The following PATJ variants were observed in gnomAD, a reference collection of about 807,000 sequenced individuals.
PATJ encodes PATJ crumbs cell polarity complex component.
In PATJ, 190 loss-of-function variants were observed where a neutral mutation model predicts 224.9. That is an observed-to-expected ratio of 0.84 (90% CI 0.75 to 0.95). The LOEUF (loss-of-function observed/expected upper bound fraction) is 0.95, where lower values mean the gene tolerates loss of function less well. PATJ is among the 40% of genes least tolerant of loss of function. The pLI is 0.00. For missense variants in PATJ, 2,121 were observed against 2,270.3 expected (o/e 0.93, Z 1.34); for synonymous variants, 769 against 820.3 (o/e 0.94, Z 1.07).
intron 43 of PATJ, 26 bp from the exon 44 acceptor site, chr1:62,160,882 T>G: frequency 6.2e-7 from 1 of 1,612,638 alleles, no homozygotes; most frequent in Non-Finnish European, 8.5e-7. Flanking sequence ...TACCCTGGAT[T>G]AAACTGAAAT....
intron 1 of PATJ, among the ~76,000 whole-genome samples, chr1:61,752,119 C>T (rs1328408892): frequency 8.1e-6 from 1 of 122,992 alleles, no homozygotes; most frequent in African/African-American, 3.2e-5. Context: ...GCCTGCGCAA[C>T]AGGAGCAAAA....
In PATJ at chr1:62,018,474, A is replaced by G. The variant is rs989576782; in HGVS notation, c.3959+527A>G. ...CTCCCTGCAAGCTGATTGAGCCCTC[A>G]TGGTACAAGTAAATCAGAATTAGGA... On this transcript the variant is annotated intron_variant, in intron 29 of 43. Coordinates refer to ENST00000642238, the MANE Select transcript of PATJ (RefSeq NM_001350145.3). The surrounding 1 kb of genome is among the most constrained non-coding windows in gnomAD (Gnocchi z 4.2). 6.6e-6 allele frequency among the ~76,000 whole-genome samples: 1 copy of G among 152,214 alleles called. No homozygotes were observed. The highest frequency in any genetic ancestry group is 1.5e-5 in the Non-Finnish European group (1 of 68,046).
chr1:61,841,070 T>G (rs1010851948), intron 17 of PATJ, among the ~76,000 whole-genome samples: 1 of 152,146 alleles, frequency 6.6e-6, no homozygotes, highest in African/African-American at 2.4e-5. Context: ...GGTAATTAAT[T>G]TATTGGCCTT....
At chr1:61,763,346 G>C (rs1456800997) in intron 3 of PATJ, among the ~76,000 whole-genome samples, 167 bp downstream of exon 3, 1 of 152,100 alleles carries the variant, frequency 6.6e-6, no homozygotes, top group Non-Finnish European at 1.5e-5. Flanking sequence ...CATTGGCATA[G>C]ATAATTTAGA....
At chr1:61,835,333 T>A (rs779156422) in intron 17 of PATJ, among the ~76,000 whole-genome samples, 37 of 152,196 alleles carry the variant, frequency 2.4e-4, no homozygotes, top group Admixed American at 6.5e-5. Context: ...AGGTGGTTAA[T>A]AAATATTTGC....
chr1:61,924,213 C>T (rs1674776412), intron 26 of PATJ, among the ~76,000 whole-genome samples: 1 of 151,662 alleles, frequency 6.6e-6, no homozygotes, highest in African/African-American at 2.4e-5. Flanking sequence ...TCCAAAAATA[C>T]AAAAATTAGC....
At chr1:61,998,494 T>G (rs1645553345) in intron 28 of PATJ, among the ~76,000 whole-genome samples, 1 of 152,206 alleles carries the variant, frequency 6.6e-6, no homozygotes, top group Non-Finnish European at 1.5e-5. Flanking sequence ...CCCAAAGGGC[T>G]GGAATTACAG....
chr1:62,052,811 G>A (rs1166905126), intron 31 of PATJ, among the ~76,000 whole-genome samples: 1 of 151,944 alleles, frequency 6.6e-6, no homozygotes, highest in African/African-American at 2.4e-5. Flanking sequence ...AAAAGGTAGA[G>A]TGCATTTTTG....
intron 1 of PATJ, among the ~76,000 whole-genome samples, chr1:61,761,825 A>G (rs1350033142): frequency 6.6e-6 from 1 of 151,950 alleles, no homozygotes; most frequent in Middle Eastern, 3.4e-3. Context: ...AGCTGGGACT[A>G]TGGGTATGTG....
chr1:62,109,604 T>C (rs1449802852), intron 34 of PATJ, among the ~76,000 whole-genome samples: 1 of 152,196 alleles, frequency 6.6e-6, no homozygotes, highest in Non-Finnish European at 1.5e-5. Context: ...TACAACATGG[T>C]TTTTTAGCAG....
Position 61,813,378 on chromosome 1 carries a change from T to TATATAC in PATJ, c.1683+4849_1683+4850insTATACA, listed in dbSNP as rs1376176032. The stretch of plus-strand genomic sequence containing the variant: ...ATATATATATATATATATATATATA[T>TATATAC]ACACACACACACACACACACATACA... On this transcript the variant is annotated intron_variant, in intron 14 of 43. Coordinates refer to ENST00000642238, the MANE Select transcript of PATJ (RefSeq NM_001350145.3). Among the ~76,000 whole-genome samples the TATATAC allele has an allele frequency of 2.6e-4, 12 of 46,358 alleles. No homozygotes were observed. The East Asian group carries it at 2.6e-3, about 10-fold the overall frequency. 30.4% of individuals were successfully genotyped at this position (46,358 alleles called of 152,430 possible).
At chr1:61,810,744 A>C (rs916491221) in intron 14 of PATJ, among the ~76,000 whole-genome samples, 4 of 141,040 alleles carry the variant, frequency 2.8e-5, no homozygotes, top group South Asian at 2.2e-4. Flanking sequence ...ATAAATAAAT[A>C]AACCCAGTCT....
At chr1:62,046,742 G>C (rs1449319817) in intron 30 of PATJ, among the ~76,000 whole-genome samples, 1 of 152,226 alleles carries the variant, frequency 6.6e-6, no homozygotes, top group Non-Finnish European at 1.5e-5. Flanking sequence ...TGTCCCCCAG[G>C]TAAGGAGAAG....
At chr1:61,869,874 C>T (rs1666058849) in intron 20 of PATJ, among the ~76,000 whole-genome samples, 1 of 152,226 alleles carries the variant, frequency 6.6e-6, no homozygotes, top group Non-Finnish European at 1.5e-5. Context: ...CCTGGGCAAG[C>T]GCTTTTGGGT....
In PATJ at chr1:61,787,523, T is replaced by G. The variant is rs532021504; in HGVS notation, c.850-231T>G. Among the ~76,000 whole-genome samples, 7 of 152,308 alleles carry G rather than the reference T, an allele frequency of 4.6e-5. No homozygotes were observed. The South Asian group carries it at 1.2e-3, about 27-fold the overall frequency. ...TGAGCTTATACCCTCAACAAAGGCC[T>G]TTTTTAGAATACTGATTACTTTTCT... On this transcript the variant is annotated intron_variant, in intron 7 of 43. Coordinates refer to ENST00000642238, the MANE Select transcript of PATJ (RefSeq NM_001350145.3).
At position 61,838,496 on chromosome 1, in the gene PATJ, A is replaced by G. The variant is rs962611087; in HGVS notation, c.2112+4711A>G. ...CAGCCTCCTGAGTAGCTGGGACTAC[A>G]GGCACCTGCTACCACGCCTGGCTAA... is the stretch of plus-strand genomic sequence containing the variant. On this transcript the variant is annotated intron_variant, in intron 17 of 43. Transcript: ENST00000642238. 2.7e-5 allele frequency among the ~76,000 whole-genome samples: 4 copies of G among 148,774 alleles called. No homozygotes were observed. The East Asian group carries it at 5.9e-4, about 22-fold the overall frequency.
intron 29 of PATJ, among the ~76,000 whole-genome samples, chr1:62,034,667 T>G (rs936822690): frequency 6.6e-6 from 1 of 152,172 alleles, no homozygotes; most frequent in Non-Finnish European, 1.5e-5. Context: ...ATGTGACCAC[T>G]AACCATTAAG....
chr1:62,081,633 T>A (rs1659292844), intron 32 of PATJ, among the ~76,000 whole-genome samples: 1 of 151,936 alleles, frequency 6.6e-6, no homozygotes, highest in African/African-American at 2.4e-5. Context: ...AATGGTGTGA[T>A]CTCGGCTCAC....
At chr1:61,772,628 G>T (rs564481315) in intron 6 of PATJ, among the ~76,000 whole-genome samples, 2 of 152,248 alleles carry the variant, frequency 1.3e-5, no homozygotes, top group South Asian at 4.1e-4. Context: ...TAATGTATAG[G>T]CATTTTCCCT....
Sources: allele counts gnomAD v4.1 joint callset (sites outside exome capture counted in the v4.1 genomes callset), GRCh38; gene constraint gnomAD v4.1.1; non-coding constraint Gnocchi (gnomAD v3.1); transcripts MANE v1.5; gene names NCBI Gene and HGNC (gene_info 2026-07-23, HGNC 2026-07-21).